Variants in MDGA2 observed in about 807,000 individuals in gnomAD.
MDGA2 encodes the protein MAM domain containing glycosylphosphatidylinositol anchor 2, also known as MAM domain-containing glycosylphosphatidylinositol anchor protein 2.
MDGA2 carries 40 observed loss-of-function variants against 117.8 expected under a neutral mutation model. The ratio of observed to expected loss-of-function variants is 0.34; its 90% CI spans 0.26 to 0.44. The LOEUF (loss-of-function observed/expected upper bound fraction) is 0.44. Ranked by LOEUF, MDGA2 falls within the 20% of genes least tolerant of loss-of-function variation. The pLI is 1.00. For synonymous variants in MDGA2, 452 were observed against 439.0 expected (o/e 1.03, Z -0.37); for missense variants, 1,123 against 1,250.6 (o/e 0.90, Z 1.54).
chr14:46,867,035 T>C (rs1341382342), intron 14 of MDGA2, among the ~76,000 whole-genome samples: 1 of 152,090 alleles, frequency 6.6e-6, no homozygotes, highest in East Asian at 1.9e-4. Context: ...AGCCATCCCA[T>C]TACTGGGTAT....
intron 14 of MDGA2, chr14:46,871,613 C>G (rs1882001636): frequency 6.5e-6 from 1 of 153,064 alleles, no homozygotes. Flanking sequence ...ATTGCTATTT[C>G]AGATTCAAAG....
rs139807236 is a variant in MDGA2, at chr14:47,634,458, TTA to T, written c.280+40057_280+40058del. ...TAAATTCTGTGTAATATGCATATTTTTATATGTGTCCATTTAAAAAAATTCCT... is the reference window on the plus strand; with the variant it reads ...TAAATTCTGTGTAATATGCATATTTTTATGTGTCCATTTAAAAAAATTCCT... On this transcript the variant is annotated intron_variant, in intron 1 of 16. Coordinates refer to ENST00000399232, the MANE Select transcript of MDGA2 (RefSeq NM_001113498.3). Among the ~76,000 whole-genome samples the T allele has an allele frequency of 7.0e-3, 1,069 of 152,228 alleles. 6 individuals carry two copies. Among genetic ancestry groups the T allele is most frequent in the Middle Eastern group, 0.02 (6 of 294 alleles).
chr14:47,664,141 T>C (rs1255483915), intron 1 of MDGA2, among the ~76,000 whole-genome samples: 1 of 152,180 alleles, frequency 6.6e-6, no homozygotes, highest in Non-Finnish European at 1.5e-5. Context: ...GAGACTAGCA[T>C]AAGCAACAAT....
At chr14:47,563,829 T>C (rs1256529978) in intron 1 of MDGA2, among the ~76,000 whole-genome samples, 1 of 152,096 alleles carries the variant, frequency 6.6e-6, no homozygotes. Context: ...GCAGACTTGT[T>C]TGTGTGGTTG....
rs17746100 is a variant in MDGA2, at chr14:47,489,212, T to A, written c.280+185305A>T. 2.3e-4 allele frequency among the ~76,000 whole-genome samples: 12 copies of A among 53,108 alleles called. No homozygotes were observed. In the East Asian group the frequency reaches 3.9e-3, roughly 17 times the overall value. 34.8% of individuals were successfully genotyped at this position (53,108 alleles called of 152,430 possible). A position where few individuals can be genotyped will look rare whatever the true frequency, so the allele number is the denominator to read the frequency against. ...AGTGCTTCTCTGACACAAAAAAAAA[T>A]TTGAACTGAAATCTTAATCACAACT... On this transcript the variant is annotated intron_variant, in intron 1 of 16. Transcript: ENST00000399232.
intron 1 of MDGA2, among the ~76,000 whole-genome samples, chr14:47,330,415 A>T (rs1890260359): frequency 6.6e-6 from 1 of 151,946 alleles, no homozygotes; most frequent in Non-Finnish European, 1.5e-5. Flanking sequence ...AAAGAAGGAC[A>T]TATATTTCAA....
In MDGA2 at chr14:46,884,731, T is replaced by A. The variant is rs1882602774; in HGVS notation, c.2239-2510A>T. ...ACCACTTGAATTGGAACCTTATATC[T>A]TATACATAAAATTCAGTCTCAGGAG... On this transcript the variant is annotated intron_variant, in intron 10 of 16. Coordinates refer to ENST00000399232, the MANE Select transcript of MDGA2 (RefSeq NM_001113498.3). The surrounding 1 kb of genome is among the most constrained non-coding windows in gnomAD (Gnocchi z 4.1). Among the ~76,000 whole-genome samples the A allele has an allele frequency of 6.6e-6, 1 of 152,162 alleles. No homozygotes were observed. Among genetic ancestry groups the A allele is most frequent in the African/African-American group, 2.4e-5 (1 of 41,444 alleles).
At chr14:46,980,788 A>G (rs1356628131) in intron 8 of MDGA2, among the ~76,000 whole-genome samples, 2 of 152,238 alleles carry the variant, frequency 1.3e-5, no homozygotes, top group African/African-American at 4.8e-5. Flanking sequence ...TTTTAACAAT[A>G]AAGTATTTTT....
chr14:47,199,179 C>T (rs554536993), intron 3 of MDGA2, among the ~76,000 whole-genome samples: 62 of 151,946 alleles, frequency 4.1e-4, no homozygotes, highest in African/African-American at 1.4e-3. Context: ...AAATCTCCTC[C>T]TCTGTCCCTC....
chr14:47,155,996 G>A (rs1305975005), intron 3 of MDGA2, among the ~76,000 whole-genome samples: 4 of 128,940 alleles, frequency 3.1e-5, no homozygotes, highest in African/African-American at 1.2e-4. Context: ...TGCAACCTCC[G>A]CCTCCCAGGT....
intron 9 of MDGA2, among the ~76,000 whole-genome samples, chr14:46,947,617 A>G (rs1885219724): frequency 6.6e-6 from 1 of 151,932 alleles, no homozygotes; most frequent in East Asian, 1.9e-4. Flanking sequence ...AAAAAAGAGG[A>G]GTTCCCCTGC....
At position 47,660,042 on chromosome 14, in the gene MDGA2, C is replaced by CT. The variant is rs995316580; in HGVS notation, c.280+14474dup. Among the ~76,000 whole-genome samples the CT allele has an allele frequency of 6.4e-4, 93 of 146,108 alleles. 1 individual carries two copies. The Middle Eastern group carries it at 0.011, about 17-fold the overall frequency. ...TTCACAAAATCAGTGCTTCTCCATGCTTTTTTTTTTTAAAGAAGAGATCTG... is the reference window on the plus strand; with the variant it reads ...TTCACAAAATCAGTGCTTCTCCATGCTTTTTTTTTTTTAAAGAAGAGATCTG... On this transcript the variant is annotated intron_variant, in intron 1 of 16. Transcript: ENST00000399232.
At chr14:47,289,340 C>T (rs1888800576) in intron 2 of MDGA2, among the ~76,000 whole-genome samples, 1 of 149,468 alleles carries the variant, frequency 6.7e-6, no homozygotes, top group Non-Finnish European at 1.5e-5. Context: ...CACACACACG[C>T]ACACACTCTC....
chr14:47,543,001 A>C (rs1436180217), intron 1 of MDGA2, among the ~76,000 whole-genome samples: 1 of 152,150 alleles, frequency 6.6e-6, no homozygotes, highest in African/African-American at 2.4e-5. Context: ...CTTGAGCCCA[A>C]GACTTTGAGA....
intron 2 of MDGA2, among the ~76,000 whole-genome samples, chr14:47,264,322 T>C (rs1287146824): frequency 6.6e-6 from 1 of 152,178 alleles, no homozygotes; most frequent in African/African-American, 2.4e-5. Context: ...AGAGCCAAAC[T>C]ACTAAAATTC....
chr14:47,058,165 AATG>A (rs1278095950), intron 7 of MDGA2, among the ~76,000 whole-genome samples: 1 of 152,172 alleles, frequency 6.6e-6, no homozygotes, highest in Admixed American at 6.6e-5. Flanking sequence ...ACTCAAATTG[AATG>A]ATGAAGAATT....
chr14:46,961,993 C>T (rs1885830287), intron 8 of MDGA2, among the ~76,000 whole-genome samples: 1 of 152,130 alleles, frequency 6.6e-6, no homozygotes, highest in South Asian at 2.1e-4. Context: ...TGTTGGTTTT[C>T]TTTCAAAGTA....
At chr14:47,306,972 T>A (rs17118298) in intron 1 of MDGA2, among the ~76,000 whole-genome samples, 13,573 of 152,252 alleles carry the variant, frequency 0.089, 740 homozygotes, top group Non-Finnish European at 0.11. Flanking sequence ...GCTGTCATTC[T>A]GTTTTGCTTG....
intron 7 of MDGA2, among the ~76,000 whole-genome samples, chr14:47,048,302 T>C (rs1178587387): frequency 6.6e-6 from 1 of 152,028 alleles, no homozygotes; most frequent in Non-Finnish European, 1.5e-5. Context: ...AAAAGGAAGA[T>C]AAGCCATAAA....
Sources: gnomAD v4.1 joint callset for allele counts (sites outside exome capture counted in the v4.1 genomes callset) on GRCh38, gnomAD v4.1.1 for gene constraint, Gnocchi (gnomAD v3.1) non-coding constraint, MANE v1.5 for transcripts, NCBI Gene and HGNC (gene_info 2026-07-23, HGNC 2026-07-21) for gene names.